SHLD2: variants seen among roughly 807,000 people sequenced by gnomAD.
SHLD2 encodes RINN1-REV7-interacting novel NHEJ regulator 2.
A neutral mutation model predicts 73.2 loss-of-function variants in SHLD2; 30 were observed. The observed-to-expected ratio is 0.41, with a 90% CI of 0.31 to 0.56. The LOEUF is 0.56. Ranked by LOEUF, SHLD2 falls within the 20% of genes least tolerant of loss-of-function variation. The probability of loss-of-function intolerance (pLI) is 0.28; values close to 1 mark genes in which losing one functional copy is unlikely to be tolerated. For synonymous variants in SHLD2, 285 were observed against 370.1 expected, an observed-to-expected ratio of 0.77 and a Z score of 2.64; for missense variants, 745 against 1,055.9, an observed-to-expected ratio of 0.71 and a Z score of 4.08.
intron 8 of SHLD2, among the ~76,000 whole-genome samples, chr10:87,183,997 T>G (rs932614593): frequency 5.3e-5 from 8 of 152,208 alleles, no homozygotes; most frequent in Non-Finnish European, 1.2e-4. Flanking sequence ...GATTTTCTCC[T>G]CCAGGCTCCA....
At chr10:87,120,449 G>A (rs1330001714) in intron 2 of SHLD2, among the ~76,000 whole-genome samples, 39 of 151,624 alleles carry the variant, frequency 2.6e-4, no homozygotes, top group African/African-American at 8.2e-4. Context: ...GGGTTTCACC[G>A]TGTTAGCTAG....
intron 3 of SHLD2, among the ~76,000 whole-genome samples, chr10:87,157,740 T>C (rs993289559): frequency 3.3e-5 from 5 of 152,246 alleles, no homozygotes; most frequent in Non-Finnish European, 7.3e-5. Context: ...TTATTTTTAA[T>C]GTATCAGAAA....
intron 2 of SHLD2, among the ~76,000 whole-genome samples, chr10:87,149,512 C>T (rs1845862691): frequency 6.6e-6 from 1 of 151,806 alleles, no homozygotes; most frequent in African/African-American, 2.4e-5. Flanking sequence ...CACTTGAGGT[C>T]AGGAGTTTGC....
chr10:87,130,564 C>T (rs1390639042), intron 2 of SHLD2, among the ~76,000 whole-genome samples: 1 of 152,124 alleles, frequency 6.6e-6, no homozygotes. Context: ...TTGAGCGTTT[C>T]CTAAGGAGCT....
chr10:87,191,085 C>G lies in SHLD2; in HGVS notation c.*402C>G, dbSNP rs11202380. ...CGCTTATCCCTACCTAAAAAACCGT[C>G]AATGTGAAATCATTTCCTTGATTAT... On this transcript the variant is annotated 3_prime_UTR_variant, in exon 10 of 10. Coordinates refer to ENST00000298786, the MANE Select transcript of SHLD2 (RefSeq NM_001330112.2). The G allele has an allele frequency of 4.5e-3, 956 of 211,432 alleles. 2 individuals carry two copies. The highest frequency in any genetic ancestry group is 7.6e-3 in the Non-Finnish European group (802 of 105,166). The allele number at this position is 211,432 out of a possible 1,614,324, so 13.1% of individuals were successfully genotyped here.
chr10:87,131,652 G>A (rs1443871604), intron 2 of SHLD2, among the ~76,000 whole-genome samples: 2 of 152,000 alleles, frequency 1.3e-5, no homozygotes, highest in African/African-American at 4.8e-5. Flanking sequence ...TCTGGCTATT[G>A]TAAATAGTGC....
chr10:87,190,353 C>T, intron 9 of SHLD2, 131 bp from the exon 10 acceptor site: 1 of 826,354 alleles, frequency 1.2e-6, no homozygotes, highest in South Asian at 1.5e-5. Flanking sequence ...GCCACCGCTA[C>T]TGGACGGGAG....
chr10:87,145,215 C>A (rs1365484522), intron 2 of SHLD2, among the ~76,000 whole-genome samples: 3 of 152,024 alleles, frequency 2.0e-5, no homozygotes, highest in Non-Finnish European at 4.4e-5. Flanking sequence ...TTTAGTAATT[C>A]TTAAAAGAGT....
intron 2 of SHLD2, among the ~76,000 whole-genome samples, chr10:87,117,794 C>CA (rs939479741): frequency 3.9e-5 from 6 of 152,174 alleles, no homozygotes; most frequent in African/African-American, 1.4e-4. Context: ...AACCCTGTCT[C>CA]AAAAAACCCC....
intron 2 of SHLD2, among the ~76,000 whole-genome samples, chr10:87,106,773 A>G (rs1168225167): frequency 6.6e-6 from 1 of 152,198 alleles, no homozygotes; most frequent in East Asian, 1.9e-4. Context: ...AATGTAACAC[A>G]TAGGCAAGTG....
rs578066743 is a variant in SHLD2 at position 87,125,796 on chromosome 10, G to A, written c.-5-25554G>A. 6.6e-5 allele frequency among the ~76,000 whole-genome samples: 10 copies of A among 152,012 alleles called. No individual in the cohort carries two copies. In the South Asian group the frequency reaches 1.7e-3, roughly 25 times the overall value. ...ACAAAAATTAGCTGGGCGTGGTGGC[G>A]GGTGCCTGTAATCCCAACTACTCGG... On this transcript the variant is annotated intron_variant, in intron 2 of 9. Transcript: ENST00000298786.
chr10:87,150,423 T>G (rs2134312978), intron 2 of SHLD2, among the ~76,000 whole-genome samples: 3 of 152,150 alleles, frequency 2.0e-5, no homozygotes, highest in Admixed American at 2.0e-4. Context: ...CTTTTCCCAT[T>G]CTTTACTAAC....
intron 2 of SHLD2, among the ~76,000 whole-genome samples, chr10:87,136,095 C>T (rs1228923698): frequency 1.3e-5 from 2 of 151,516 alleles, no homozygotes; most frequent in Non-Finnish European, 2.9e-5. Context: ...TTTATTTATC[C>T]ATTCAATTTT....
intron 3 of SHLD2, among the ~76,000 whole-genome samples, chr10:87,154,751 G>T (rs923966849): frequency 1.4e-4 from 21 of 152,106 alleles, no homozygotes; most frequent in African/African-American, 5.1e-4. Flanking sequence ...TTGACACATG[G>T]TGTATTAGAG....
At chr10:87,128,391 C>A (rs983688045) in intron 2 of SHLD2, among the ~76,000 whole-genome samples, 1 of 152,190 alleles carries the variant, frequency 6.6e-6, no homozygotes, top group Non-Finnish European at 1.5e-5. Flanking sequence ...TTGTCAGTTT[C>A]ATCATCTTGA....
intron 2 of SHLD2, among the ~76,000 whole-genome samples, chr10:87,112,563 C>T (rs1249606350): frequency 1.3e-5 from 2 of 148,756 alleles, no homozygotes; most frequent in Admixed American, 6.7e-5. Context: ...TGAGCCTGTG[C>T]CGTCGAGGCT....
chr10:87,124,497 C>G (rs932836520), intron 2 of SHLD2, among the ~76,000 whole-genome samples: 1 of 152,124 alleles, frequency 6.6e-6, no homozygotes, highest in African/African-American at 2.4e-5. Context: ...GATCGCACCA[C>G]TGCACTCCAG....
intron 2 of SHLD2, among the ~76,000 whole-genome samples, chr10:87,128,654 A>G (rs1230408370): frequency 2.6e-5 from 4 of 152,118 alleles, no homozygotes; most frequent in African/African-American, 4.8e-5. Context: ...ATTTTGCTCC[A>G]TTGTCTTCTA....
At chr10:87,125,313 AT>A (rs1052275494) in intron 2 of SHLD2, among the ~76,000 whole-genome samples, 1 of 151,562 alleles carries the variant, frequency 6.6e-6, no homozygotes, top group African/African-American at 2.4e-5. Flanking sequence ...AAGGGATCAA[AT>A]TTTTTTTTAG....
Sources: gnomAD v4.1 joint callset for allele counts (sites outside exome capture counted in the v4.1 genomes callset) on GRCh38, gnomAD v4.1.1 for gene constraint, MANE v1.5 for transcripts, NCBI Gene and HGNC (gene_info 2026-07-23, HGNC 2026-07-21) for gene names.